The following SATB1 variants were observed in gnomAD, a reference collection of about 807,000 sequenced individuals.
SATB1 encodes the protein SATB homeobox 1.
Under a neutral mutation model 86.9 loss-of-function variants are expected in SATB1, and 11 were observed. That is an observed-to-expected ratio of 0.13 (90% CI 0.08 to 0.21). The LOEUF (loss-of-function observed/expected upper bound fraction) is 0.21, where lower values mean the gene tolerates loss of function less well. Among genes scored for constraint, SATB1 ranks in the 10% least tolerant of loss-of-function variants. SATB1 has a pLI of 1.00. For synonymous variants in SATB1, 357 were observed against 357.2 expected (o/e 1.00, Z 0.01); for missense variants, 551 against 937.6 (o/e 0.59, Z 5.39).
chr3:18,369,809 C>T (rs536967801), intron 9 of SATB1, among the ~76,000 whole-genome samples: 120 of 152,210 alleles, frequency 7.9e-4, no homozygotes, highest in Admixed American at 1.2e-3. Context: ...GTGCTGGTAG[C>T]GGCAGTTAAA....
In SATB1 at chr3:18,351,256, C is replaced by T. The variant is rs1575074715; in HGVS notation, c.1779+736G>A. ...GAAAATCCTGACCTGGGGAGCAGGT[C>T]TTTAGGTCACCCCCTCTCTGTGTCC... On this transcript the variant is annotated intron_variant, in intron 10 of 10. Coordinates refer to ENST00000338745, the MANE Select transcript of SATB1 (RefSeq NM_002971.6). The T allele has an allele frequency of 8.4e-5, 120 of 1,430,726 alleles. 4 individuals are homozygous for T. The South Asian group carries it at 1.5e-3, about 17-fold the overall frequency. 88.6% of individuals were successfully genotyped at this position (1,430,726 alleles called of 1,614,324 possible).
intron 2 of SATB1, among the ~76,000 whole-genome samples, chr3:18,433,279 C>A (rs535270803): frequency 1.3e-5 from 2 of 152,184 alleles, no homozygotes; most frequent in Admixed American, 1.3e-4. Flanking sequence ...TTGAGTGTCA[C>A]GCTCATATAT....
intron 9 of SATB1, among the ~76,000 whole-genome samples, chr3:18,362,787 T>C (rs73819447): frequency 0.082 from 11,765 of 143,522 alleles, 734 homozygotes; most frequent in African/African-American, 0.18. Context: ...TAAAAATTTA[T>C]AATATTTATT....
At chr3:18,355,723 A>G (rs1575081030) in intron 9 of SATB1, among the ~76,000 whole-genome samples, 1 of 151,970 alleles carries the variant, frequency 6.6e-6, no homozygotes, top group Non-Finnish European at 1.5e-5. Context: ...TGATATACAT[A>G]AGACCATAGG....
At chr3:18,426,918 A>G (rs1234961874), upstream of SATB1, among the ~76,000 whole-genome samples, 4 of 152,228 alleles carry the variant, frequency 2.6e-5, no homozygotes, top group African/African-American at 9.6e-5. The surrounding 1 kb of genome is among the most constrained non-coding windows in gnomAD (Gnocchi z 4.2). Context: ...AGGGGAGAGT[A>G]AGTTTAGGAG....
intron 9 of SATB1, among the ~76,000 whole-genome samples, chr3:18,366,601 T>C (rs1268903438): frequency 6.6e-6 from 1 of 152,128 alleles, no homozygotes; most frequent in Non-Finnish European, 1.5e-5. Flanking sequence ...CCCTACCACA[T>C]ATTAAACCAA....
chr3:18,362,592 G>T (rs1694955930), intron 9 of SATB1, among the ~76,000 whole-genome samples: 1 of 151,546 alleles, frequency 6.6e-6, no homozygotes, highest in Non-Finnish European at 1.5e-5. Flanking sequence ...AGCATAATAG[G>T]TTTAAGACAG....
chr3:18,374,398 T>C (rs1208174809), intron 9 of SATB1, among the ~76,000 whole-genome samples: 2 of 152,232 alleles, frequency 1.3e-5, no homozygotes, highest in African/African-American at 4.8e-5. Flanking sequence ...CTCTCATAAT[T>C]ATTTGAATGT....
At chr3:18,428,264 C>T (rs1477355230), upstream of SATB1, among the ~76,000 whole-genome samples, 5 of 152,126 alleles carry the variant, frequency 3.3e-5, no homozygotes, top group Non-Finnish European at 7.3e-5. Flanking sequence ...AGTATGCTAG[C>T]TCAGGGCTCT....
chr3:18,370,005 C>T (rs757151538), intron 9 of SATB1, among the ~76,000 whole-genome samples: 5 of 152,264 alleles, frequency 3.3e-5, no homozygotes, highest in Admixed American at 2.0e-4. Flanking sequence ...CATCACAAAG[C>T]GGAGAAACTC....
At chr3:18,443,217 G>A (rs1174350859), upstream of SATB1, among the ~76,000 whole-genome samples, 2 of 152,116 alleles carry the variant, frequency 1.3e-5, no homozygotes, top group African/African-American at 2.4e-5. The surrounding 1 kb of genome is among the most constrained non-coding windows in gnomAD (Gnocchi z 4.4). Flanking sequence ...ACCTGACACC[G>A]AGCGGTAACA....
rs1694145992 is a variant in SATB1, at chr3:18,348,051, C to G, written c.*1119G>C. The G allele has an allele frequency of 6.6e-6, 1 of 152,544 alleles. No homozygotes were observed. The highest frequency in any genetic ancestry group is 1.5e-5 in the Non-Finnish European group (1 of 67,984). The allele number at this position is 152,544 out of a possible 1,614,324, so 9.4% of individuals were successfully genotyped here. A position where few individuals can be genotyped will look rare whatever the true frequency, so the allele number is the denominator to read the frequency against. On this transcript the variant is annotated 3_prime_UTR_variant, in exon 11 of 11. Coordinates refer to ENST00000338745, the MANE Select transcript of SATB1 (RefSeq NM_002971.6). ...CACTTATAAAAACAGCCAGCTGTAACAAAATAGCTGTTTTCATAGCCATAA... is the reference window on the plus strand; with the variant it reads ...CACTTATAAAAACAGCCAGCTGTAAGAAAATAGCTGTTTTCATAGCCATAA...
Position 18,347,555 on chromosome 3 carries a change from T to C in SATB1, c.*1615A>G, listed in dbSNP as rs1306014242. On this transcript the variant is annotated 3_prime_UTR_variant, in exon 11 of 11. Transcript: ENST00000338745. ...TTTTTTCCCCTACTTATTTTGTTAC[T>C]ATTAATGGCCTTTAGAAATATTTAT... The C allele has an allele frequency of 6.6e-6, 1 of 152,116 alleles. No homozygotes were observed. Among genetic ancestry groups the C allele is most frequent in the Non-Finnish European group, 1.5e-5 (1 of 68,016 alleles). The allele number at this position is 152,116 out of a possible 1,614,324, so 9.4% of individuals were successfully genotyped here.
intron 9 of SATB1, among the ~76,000 whole-genome samples, chr3:18,373,228 C>T (rs1277899054): frequency 5.3e-5 from 8 of 152,124 alleles, no homozygotes; most frequent in Admixed American, 4.6e-4. Context: ...TCCCACAGAC[C>T]GCTACAAAAG....
chr3:18,368,549 G>A (rs887496003), intron 9 of SATB1, among the ~76,000 whole-genome samples: 1 of 151,970 alleles, frequency 6.6e-6, no homozygotes, highest in Non-Finnish European at 1.5e-5. Context: ...CACGACATGA[G>A]GAAACTACTA....
At chr3:18,393,307 C>T (rs951513847) in intron 7 of SATB1, among the ~76,000 whole-genome samples, 6 of 151,310 alleles carry the variant, frequency 4.0e-5, no homozygotes, top group African/African-American at 7.2e-5. Context: ...ATCAAAGTTA[C>T]GCGGTTTTTC....
intron 1 of SATB1, 61 bp from the exon 2 acceptor site, chr3:18,421,052 G>C: frequency 8.8e-7 from 1 of 1,142,486 alleles, no homozygotes; most frequent in Non-Finnish European, 1.3e-6. Flanking sequence ...GTATATATGT[G>C]TCCTATGTAA....
chr3:18,418,053 C>T lies in SATB1; in HGVS notation c.212-975G>A, dbSNP rs139781062. Among the ~76,000 whole-genome samples, 473 of 152,190 alleles carry T rather than the reference C, an allele frequency of 3.1e-3. 3 individuals are homozygous for T. The highest frequency in any genetic ancestry group is 0.011 in the African/African-American group (453 of 41,524). ...CGCACTGTCAGACTTCCAATGATAA[C>T]GGAAAAGGGTTAAAAGCAGATGCAT... On this transcript the variant is annotated intron_variant, in intron 2 of 10. Coordinates refer to ENST00000338745, the MANE Select transcript of SATB1 (RefSeq NM_002971.6).
At chr3:18,358,080 T>C (rs1392651721) in intron 9 of SATB1, among the ~76,000 whole-genome samples, 4 of 151,952 alleles carry the variant, frequency 2.6e-5, no homozygotes, top group African/African-American at 9.7e-5. Context: ...ATCTAGACCA[T>C]TTTTTGGTGG....
Sources: allele counts gnomAD v4.1 joint callset (sites outside exome capture counted in the v4.1 genomes callset), GRCh38; gene constraint gnomAD v4.1.1; non-coding constraint Gnocchi (gnomAD v3.1); transcripts MANE v1.5; gene names NCBI Gene and HGNC (gene_info 2026-07-23, HGNC 2026-07-21).